Variants in TFEC observed in about 807,000 individuals in gnomAD.
TFEC encodes the protein transcription factor EC.
TFEC carries 31 observed loss-of-function variants against 41.6 expected under a neutral mutation model. The ratio of observed to expected loss-of-function variants is 0.74; its 90% confidence interval spans 0.56 to 1.01. The LOEUF is 1.01. Among genes scored for constraint, TFEC ranks in the 50% least tolerant of loss-of-function variants. The probability of loss-of-function intolerance (pLI) is 0.00; values close to 1 mark genes in which losing one functional copy is unlikely to be tolerated. For missense variants in TFEC, 402 were observed against 404.1 expected (o/e 0.99, Z 0.04); for synonymous variants, 143 against 140.6 (o/e 1.02, Z -0.12).
chr7:115,996,578 G>T (rs111618600), intron 1 of TFEC, among the ~76,000 whole-genome samples: 1 of 152,044 alleles, frequency 6.6e-6, no homozygotes, highest in Admixed American at 6.6e-5. Context: ...ACTTTGTCTT[G>T]CATCTTAAGT....
chr7:116,129,697 A>G (rs1042056511), intron 1 of TFEC, among the ~76,000 whole-genome samples: 3 of 150,200 alleles, frequency 2.0e-5, no homozygotes, highest in African/African-American at 7.4e-5. Flanking sequence ...GGTTCAAGCA[A>G]TTCTCCTGCC....
intron 3 of TFEC, among the ~76,000 whole-genome samples, chr7:116,047,110 G>A (rs925326847): frequency 2.0e-5 from 3 of 152,166 alleles, no homozygotes; most frequent in African/African-American, 7.2e-5. Flanking sequence ...CGACGCAGAA[G>A]GCAGCTGATT....
chr7:115,978,055 G>T (rs762364233), intron 2 of TFEC, among the ~76,000 whole-genome samples: 2 of 151,970 alleles, frequency 1.3e-5, no homozygotes, highest in African/African-American at 4.8e-5. Context: ...AATCCTAATA[G>T]TAAAGTAAGT....
chr7:116,043,055 G>A (rs1796078024), intron 3 of TFEC, among the ~76,000 whole-genome samples: 1 of 151,992 alleles, frequency 6.6e-6, no homozygotes, highest in African/African-American at 2.4e-5. Flanking sequence ...AGGTTTTTTG[G>A]GAGTAGAAAG....
chr7:116,132,016 T>C lies in TFEC; in HGVS notation c.-68-19978A>G, dbSNP rs1298290566. The stretch of plus-strand genomic sequence containing the variant: ...TATTAGGTCATTATGCTTCACTTTA[T>C]GCTCCAAAAGCCTGTAAAGCACATT... On this transcript the variant is annotated intron_variant, in intron 1 of 8. Coordinates refer to the TFEC transcript ENST00000484212. 4.6e-5 allele frequency among the ~76,000 whole-genome samples: 7 copies of C among 152,214 alleles called. No homozygotes were observed. In the South Asian group the frequency reaches 8.3e-4, roughly 18 times the overall value.
chr7:116,022,851 G>A (rs978988369), intron 1 of TFEC, among the ~76,000 whole-genome samples: 1 of 152,018 alleles, frequency 6.6e-6, no homozygotes, highest in African/African-American at 2.4e-5. Context: ...TGAACTATAC[G>A]TTTTACCCTC....
intron 3 of TFEC, among the ~76,000 whole-genome samples, chr7:116,104,541 A>C (rs1268641731): frequency 6.6e-6 from 1 of 152,168 alleles, no homozygotes; most frequent in Non-Finnish European, 1.5e-5. Flanking sequence ...CATTCCTTAC[A>C]TTTATAACAA....
Position 115,998,379 on chromosome 7 carries a change from T to G in TFEC, c.-72-13866A>C, listed in dbSNP as rs533712245. On this transcript the variant is annotated intron_variant, in intron 1 of 7. Coordinates refer to ENST00000265440, the MANE Select transcript of TFEC (RefSeq NM_012252.4). ...AAACATACCACCAGAGAAAACTACC[T>G]TCTCTAAAAAGAAGACAGAAATAAA... is the stretch of plus-strand genomic sequence containing the variant. Among the ~76,000 whole-genome samples, 443 of 151,782 alleles carry G rather than the reference T, an allele frequency of 2.9e-3. 7 individuals are homozygous for G. The highest frequency in any genetic ancestry group is 0.021 in the South Asian group (102 of 4,782).
intron 1 of TFEC, among the ~76,000 whole-genome samples, chr7:116,125,310 G>T (rs536321230): frequency 2.2e-4 from 34 of 152,296 alleles, no homozygotes; most frequent in Non-Finnish European, 3.8e-4. Context: ...GCAAGGATGG[G>T]TGTGAGAACT....
At chr7:115,967,752 A>G (rs574781581) in intron 3 of TFEC, among the ~76,000 whole-genome samples, 1 of 151,868 alleles carries the variant, frequency 6.6e-6, no homozygotes, top group South Asian at 2.1e-4. Flanking sequence ...ATCTGGAAAT[A>G]CAATATGTGA....
At chr7:115,950,464 C>T (rs1354385120) in intron 6 of TFEC, among the ~76,000 whole-genome samples, 2 of 151,982 alleles carry the variant, frequency 1.3e-5, no homozygotes, top group Non-Finnish European at 2.9e-5. Flanking sequence ...CTCCAAAATT[C>T]GGGGACCTTG....
At chr7:116,126,581 T>C (rs186069015) in intron 1 of TFEC, among the ~76,000 whole-genome samples, 83 of 152,076 alleles carry the variant, frequency 5.5e-4, no homozygotes, top group Non-Finnish European at 9.9e-4. Flanking sequence ...AAGAACACAA[T>C]AGCAATACAC....
intron 1 of TFEC, among the ~76,000 whole-genome samples, chr7:116,123,449 A>G (rs1307318712): frequency 1.3e-5 from 2 of 151,978 alleles, no homozygotes; most frequent in African/African-American, 4.8e-5. Context: ...ATCTTTTATG[A>G]TACACCACAA....
At chr7:115,946,408 TG>T (rs1791555108) in intron 6 of TFEC, among the ~76,000 whole-genome samples, 1 of 125,382 alleles carries the variant, frequency 8.0e-6, no homozygotes, top group Non-Finnish European at 1.9e-5. Context: ...TGTGTGTGTG[TG>T]TGTGTGTGTG....
intron 3 of TFEC, among the ~76,000 whole-genome samples, chr7:116,085,617 T>A (rs1433688356): frequency 6.6e-6 from 1 of 151,900 alleles, no homozygotes; most frequent in East Asian, 1.9e-4. Flanking sequence ...GTCCAAAGTA[T>A]AAAATTATTG....
intron 3 of TFEC, among the ~76,000 whole-genome samples, chr7:116,096,386 G>C (rs1262943519): frequency 6.6e-6 from 1 of 151,972 alleles, no homozygotes; most frequent in Non-Finnish European, 1.5e-5. Flanking sequence ...TTTTCATTTG[G>C]TGACGAAATT....
At chr7:116,073,940 G>A (rs1171279637) in intron 3 of TFEC, among the ~76,000 whole-genome samples, 1 of 151,802 alleles carries the variant, frequency 6.6e-6, no homozygotes, top group Non-Finnish European at 1.5e-5. Context: ...TTGACTTTCA[G>A]CAAGGGTGCT....
chr7:116,071,313 G>A (rs1796821992), intron 3 of TFEC, among the ~76,000 whole-genome samples: 1 of 150,284 alleles, frequency 6.7e-6, no homozygotes, highest in South Asian at 2.1e-4. Context: ...AGTACAAGAT[G>A]AGATGACTCT....
chr7:116,159,737 C>T (rs1020545255), intron 1 of TFEC: 5 of 152,032 alleles, frequency 3.3e-5, no homozygotes, highest in South Asian at 2.1e-4. Flanking sequence ...GCCCAAAATA[C>T]GAGTGATTTT....
Sources: allele counts gnomAD v4.1 joint callset (sites outside exome capture counted in the v4.1 genomes callset), GRCh38; gene constraint gnomAD v4.1.1; transcripts MANE v1.5; gene names NCBI Gene and HGNC (gene_info 2026-07-23, HGNC 2026-07-21).